PTPN3: variants seen among roughly 807,000 people sequenced by gnomAD.
The protein encoded by PTPN3 is protein tyrosine phosphatase non-receptor type 3.
A neutral mutation model predicts 132.7 loss-of-function variants in PTPN3; 96 were observed. The ratio of observed to expected loss-of-function variants is 0.72; its 90% CI spans 0.61 to 0.86. The LOEUF (loss-of-function observed/expected upper bound fraction) is 0.86, where lower values mean the gene tolerates loss of function less well. Among genes scored for constraint, PTPN3 ranks in the 40% least tolerant of loss-of-function variants. The pLI is 0.00. For synonymous variants in PTPN3, 398 were observed against 429.0 expected, an observed-to-expected ratio of 0.93 and a Z score of 0.89; for missense variants, 1,125 against 1,159.6, an observed-to-expected ratio of 0.97 and a Z score of 0.43.
the PTPN3 span, among the ~76,000 whole-genome samples, chr9:109,513,282 A>G: frequency 6.6e-6 from 1 of 152,138 alleles, no homozygotes; most frequent in Non-Finnish European, 1.5e-5. Context: ...GGCCTCCCAA[A>G]GTGCTGGGAT....
intron 11 of PTPN3, among the ~76,000 whole-genome samples, chr9:109,428,265 G>A (rs980318931): frequency 6.6e-6 from 1 of 152,222 alleles, no homozygotes; most frequent in Non-Finnish European, 1.5e-5. Context: ...GTAAGTGGAA[G>A]AGCCAGGATC....
intron 4 of PTPN3, among the ~76,000 whole-genome samples, chr9:109,455,333 T>C (rs1845508727): frequency 6.6e-6 from 1 of 152,178 alleles, no homozygotes; most frequent in African/African-American, 2.4e-5. Flanking sequence ...GCTGCTAAGA[T>C]CCCAAGATCT....
intron 12 of PTPN3, 50 bp downstream of exon 12, chr9:109,426,900 T>C (rs1227129239): frequency 2.0e-6 from 3 of 1,525,132 alleles, no homozygotes; most frequent in African/African-American, 2.7e-5. Context: ...ATGACCAGGA[T>C]GCATTTACAT....
rs1389443022 is a variant in PTPN3 at position 109,410,780 on chromosome 9, C to T, written c.1314-365G>A. On this transcript the variant is annotated intron_variant, in intron 14 of 25. Transcript: ENST00000374541. ...GGCAAGCTCATGCAGATGCACAGCCCATCCCTTCTGAAAGCTTTTTTCCTT... is the reference window on the plus strand; with the variant it reads ...GGCAAGCTCATGCAGATGCACAGCCTATCCCTTCTGAAAGCTTTTTTCCTT... 4.6e-5 allele frequency among the ~76,000 whole-genome samples: 7 copies of T among 152,326 alleles called. No individual in the cohort carries two copies. In the East Asian group the frequency reaches 1.4e-3, roughly 29 times the overall value.
intron 1 of PTPN3, among the ~76,000 whole-genome samples, chr9:109,479,179 A>C (rs1363634496): frequency 6.6e-6 from 1 of 152,130 alleles, no homozygotes; most frequent in East Asian, 1.9e-4. Context: ...CCCATTAGGC[A>C]ATAACTCCCC....
intron 14 of PTPN3, among the ~76,000 whole-genome samples, chr9:109,414,147 G>A (rs916301086): frequency 1.3e-5 from 2 of 152,186 alleles, no homozygotes; most frequent in Non-Finnish European, 2.9e-5. Context: ...AGGATCACCC[G>A]AGGTGATTGG....
At chr9:109,497,955 G>A (rs1056020645) in intron 1 of PTPN3, among the ~76,000 whole-genome samples, 5 of 146,400 alleles carry the variant, frequency 3.4e-5, no homozygotes, top group East Asian at 2.0e-4. Flanking sequence ...GCCGCGTCCC[G>A]GCCGCCAGCC....
At chr9:109,462,450 G>A (rs1318274848) in intron 2 of PTPN3, among the ~76,000 whole-genome samples, 1 of 152,162 alleles carries the variant, frequency 6.6e-6, no homozygotes, top group Non-Finnish European at 1.5e-5. Flanking sequence ...TCCCTCAATT[G>A]TTCTCTCATC....
At chr9:109,472,529 T>C (rs2132076382) in intron 1 of PTPN3, among the ~76,000 whole-genome samples, 1 of 152,402 alleles carries the variant, frequency 6.6e-6, no homozygotes, top group East Asian at 1.9e-4. Flanking sequence ...TTTTCATTTG[T>C]GAAATGCCCA....
chr9:109,450,030 G>A, intron 5 of PTPN3: 1 of 981,818 alleles, frequency 1.0e-6, no homozygotes, highest in Non-Finnish European at 1.2e-6. Flanking sequence ...GCTCAGATAG[G>A]ATATGTGAGG....
At chr9:109,429,827 G>T (rs1342664499) in intron 10 of PTPN3, among the ~76,000 whole-genome samples, 1 of 152,120 alleles carries the variant, frequency 6.6e-6, no homozygotes, top group Non-Finnish European at 1.5e-5. Context: ...TTCTCTGCTG[G>T]AATCTTTACT....
chr9:109,403,611 G>A (rs1031485599), intron 19 of PTPN3, among the ~76,000 whole-genome samples: 10 of 152,152 alleles, frequency 6.6e-5, no homozygotes, highest in East Asian at 1.9e-4. Flanking sequence ...AGACCGAGGC[G>A]GGAGGACGGC....
intron 1 of PTPN3, among the ~76,000 whole-genome samples, chr9:109,465,270 G>A (rs1312732604): frequency 6.6e-6 from 1 of 152,148 alleles, no homozygotes; most frequent in African/African-American, 2.4e-5. Flanking sequence ...GGAGGATCTA[G>A]GCTTCTACAA....
upstream of PTPN3, among the ~76,000 whole-genome samples, chr9:109,499,010 T>A (rs1465913432): frequency 6.6e-6 from 1 of 152,064 alleles, no homozygotes; most frequent in Non-Finnish European, 1.5e-5. Context: ...GTGTACTCTG[T>A]TTTCTTCATA....
chr9:109,454,378 G>T, intron 5 of PTPN3, 118 bp downstream of exon 5: 1 of 835,958 alleles, frequency 1.2e-6, no homozygotes, highest in Non-Finnish European at 2.0e-6. Context: ...GATCATCATT[G>T]TTGGTGTAGT....
chr9:109,488,917 A>G (rs980976003), intron 1 of PTPN3, among the ~76,000 whole-genome samples: 5 of 152,202 alleles, frequency 3.3e-5, no homozygotes, highest in Non-Finnish European at 5.9e-5. Context: ...TGGGTCCCCA[A>G]TGCCACCTGC....
At chr9:109,426,797 C>T (rs969397643) in intron 12 of PTPN3, among the ~76,000 whole-genome samples, 153 bp downstream of exon 12, 2 of 152,202 alleles carry the variant, frequency 1.3e-5, no homozygotes, top group African/African-American at 4.8e-5. Flanking sequence ...CTGCTGACCC[C>T]GGGAGACTTT....
At chr9:109,443,031 A>C (rs61416601) in intron 7 of PTPN3, among the ~76,000 whole-genome samples, 1,827 of 151,684 alleles carry the variant, frequency 0.012, 35 homozygotes, top group African/African-American at 0.043. Context: ...GAAAACCAAG[A>C]TTAGGAGAGG....
At chr9:109,466,036 C>A (rs1846085513) in intron 1 of PTPN3, among the ~76,000 whole-genome samples, 1 of 152,090 alleles carries the variant, frequency 6.6e-6, no homozygotes, top group Non-Finnish European at 1.5e-5. Context: ...ATTTGTGTGA[C>A]AGAGTTCACT....
Sources: gnomAD v4.1 joint callset for allele counts (sites outside exome capture counted in the v4.1 genomes callset) on GRCh38, gnomAD v4.1.1 for gene constraint, MANE v1.5 for transcripts, NCBI Gene and HGNC (gene_info 2026-07-23, HGNC 2026-07-21) for gene names.